MAGI3: variants seen among roughly 807,000 people sequenced by gnomAD.
MAGI3 encodes membrane-associated guanylate kinase, WW and PDZ domain-containing protein 3.
In MAGI3, 43 loss-of-function variants were observed where a neutral mutation model predicts 121.8. The observed-to-expected ratio is 0.35, with a 90% CI of 0.28 to 0.46. MAGI3 has a LOEUF of 0.46. Among genes scored for constraint, MAGI3 ranks in the 20% least tolerant of loss-of-function variants. The pLI, the probability that MAGI3 is intolerant of heterozygous loss-of-function variation, is 1.00. For synonymous variants in MAGI3, 553 were observed against 639.3 expected (o/e 0.86, Z 2.04); for missense variants, 1,547 against 1,797.3 (o/e 0.86, Z 2.52).
intron 1 of MAGI3, chr1:113,449,599 C>T (rs1654376158): frequency 1.4e-5 from 9 of 633,802 alleles, no homozygotes; most frequent in Admixed American, 2.6e-5. Flanking sequence ...TTTTTTTTCC[C>T]AATAGATTGA....
intron 1 of MAGI3, among the ~76,000 whole-genome samples, chr1:113,516,282 A>G (rs899302072): frequency 1.3e-5 from 2 of 151,544 alleles, no homozygotes; most frequent in African/African-American, 2.4e-5. Flanking sequence ...TCTCCAACAC[A>G]AGGAACCAGG....
intron 1 of MAGI3, among the ~76,000 whole-genome samples, chr1:113,488,027 G>T (rs1015370259): frequency 4.6e-5 from 7 of 152,016 alleles, no homozygotes; most frequent in African/African-American, 1.4e-4. Flanking sequence ...CTCTTGGAAG[G>T]ATCTTCCTTA....
intron 1 of MAGI3, among the ~76,000 whole-genome samples, chr1:113,410,671 T>C (rs1270343023): frequency 2.0e-5 from 3 of 152,068 alleles, no homozygotes; most frequent in Non-Finnish European, 4.4e-5. Context: ...TGGTTCCAAA[T>C]AGTCATCTGT....
intron 19 of MAGI3, among the ~76,000 whole-genome samples, chr1:113,680,867 A>G (rs1648177824): frequency 6.6e-6 from 1 of 152,222 alleles, no homozygotes; most frequent in Non-Finnish European, 1.5e-5. Flanking sequence ...AATTTGATTA[A>G]CATTCTAAAT....
At chr1:113,551,378 GA>G (rs1195965670) in intron 2 of MAGI3, among the ~76,000 whole-genome samples, 3 of 152,082 alleles carry the variant, frequency 2.0e-5, no homozygotes, top group Non-Finnish European at 4.4e-5. Flanking sequence ...ATAGGAAAGG[GA>G]AAAAAATTTA....
intron 9 of MAGI3, among the ~76,000 whole-genome samples, chr1:113,630,419 G>A (rs1285337135): frequency 6.6e-6 from 1 of 152,064 alleles, no homozygotes; most frequent in Admixed American, 6.5e-5. Context: ...CTGGACTCAG[G>A]GACCCCGAGA....
chr1:113,423,259 T>TTG (rs1553183592), intron 1 of MAGI3, among the ~76,000 whole-genome samples: 89 of 120,244 alleles, frequency 7.4e-4, no homozygotes, highest in South Asian at 1.8e-3. Context: ...TTTTTTTTTT[T>TTG]GGGGGGGGGG....
chr1:113,682,747 G>C, intron 20 of MAGI3, 150 bp from the exon 21 acceptor site: 1 of 1,404,542 alleles, frequency 7.1e-7, no homozygotes, highest in East Asian at 2.6e-5. Flanking sequence ...CCTTTATAGA[G>C]AGATATGTTG....
In MAGI3 at chr1:113,390,844, T is replaced by C. The variant is rs890679340; in HGVS notation, c.-190T>C. 56 of 279,254 alleles carry C rather than the reference T, an allele frequency of 2.0e-4. No homozygotes were observed. Among genetic ancestry groups the C allele is most frequent in the South Asian group, 1.6e-4 (1 of 6,102 alleles). The allele number at this position is 279,254 out of a possible 1,614,324, so 17.3% of individuals were successfully genotyped here. A position where few individuals can be genotyped will look rare whatever the true frequency, so the allele number is the denominator to read the frequency against. On this transcript the variant is annotated 5_prime_UTR_variant, in exon 1 of 21. Transcript: ENST00000307546. ...CCGGGGAGCGCAGCCGGGAGGGGCG[T>C]CCAAGGGGCGTCTCGCGTCTGGGAA... is the stretch of plus-strand genomic sequence containing the variant.
At chr1:113,633,517 T>A (rs1424742131) in intron 9 of MAGI3, among the ~76,000 whole-genome samples, 3 of 152,028 alleles carry the variant, frequency 2.0e-5, no homozygotes, top group Non-Finnish European at 4.4e-5. Context: ...CGCCTCGGCC[T>A]CCCAAAGTGC....
intron 1 of MAGI3, among the ~76,000 whole-genome samples, chr1:113,417,392 C>T (rs1440170382): frequency 6.6e-6 from 1 of 151,878 alleles, no homozygotes; most frequent in Non-Finnish European, 1.5e-5. Flanking sequence ...AAATTGGGGA[C>T]CACATTTATT....
chr1:113,678,615 TAC>T (rs1557888596), intron 19 of MAGI3, among the ~76,000 whole-genome samples: 1 of 152,256 alleles, frequency 6.6e-6, no homozygotes, highest in African/African-American at 2.4e-5. Context: ...GAGTGCAGTC[TAC>T]AGTTAAATCT....
At chr1:113,482,041 GTAA>G (rs1472417047) in intron 1 of MAGI3, among the ~76,000 whole-genome samples, 14 of 150,888 alleles carry the variant, frequency 9.3e-5, no homozygotes, top group African/African-American at 3.4e-4. Context: ...CTTAAACTAT[GTAA>G]TAATCATTAA....
At chr1:113,529,984 A>G (rs1182460591) in intron 1 of MAGI3, among the ~76,000 whole-genome samples, 1 of 152,130 alleles carries the variant, frequency 6.6e-6, no homozygotes, top group African/African-American at 2.4e-5. Flanking sequence ...TGCAGAGAAA[A>G]TGACTGTGTG....
intron 2 of MAGI3, among the ~76,000 whole-genome samples, chr1:113,566,496 A>G (rs1376701177): frequency 6.6e-6 from 1 of 152,240 alleles, no homozygotes; most frequent in Non-Finnish European, 1.5e-5. Context: ...CAATAACAGC[A>G]GAATATACAC....
chr1:113,428,228 A>G (rs1461338900), intron 1 of MAGI3, among the ~76,000 whole-genome samples: 1 of 152,204 alleles, frequency 6.6e-6, no homozygotes, highest in Non-Finnish European at 1.5e-5. Flanking sequence ...AAGGTAATGA[A>G]GATACTCTTT....
At chr1:113,432,831 A>G (rs868280927) in intron 1 of MAGI3, among the ~76,000 whole-genome samples, 1 of 152,084 alleles carries the variant, frequency 6.6e-6, no homozygotes, top group Non-Finnish European at 1.5e-5. Flanking sequence ...CTACCATATC[A>G]ATAAGGTATA....
chr1:113,440,451 T>C (rs1165671422), intron 1 of MAGI3, among the ~76,000 whole-genome samples: 1 of 152,204 alleles, frequency 6.6e-6, no homozygotes, highest in Non-Finnish European at 1.5e-5. Flanking sequence ...GAAAAAGGAA[T>C]GGTATCATCT....
intron 1 of MAGI3, among the ~76,000 whole-genome samples, chr1:113,493,000 A>T (rs1656741613): frequency 6.6e-6 from 1 of 152,212 alleles, no homozygotes; most frequent in African/African-American, 2.4e-5. Flanking sequence ...TATTCCTGTT[A>T]TACTACCATT....
Sources: allele counts gnomAD v4.1 joint callset (sites outside exome capture counted in the v4.1 genomes callset), GRCh38; gene constraint gnomAD v4.1.1; transcripts MANE v1.5; gene names NCBI Gene and HGNC (gene_info 2026-07-23, HGNC 2026-07-21).